The following PROP1 variants were observed in gnomAD, a reference collection of about 807,000 sequenced individuals.
PROP1 encodes the protein PROP paired-like homeobox 1, also known as homeobox protein prophet of Pit-1.
Under a neutral mutation model 22.3 loss-of-function variants are expected in PROP1, and 12 were observed. That is an observed-to-expected ratio of 0.54 (90% CI 0.34 to 0.87). The LOEUF (loss-of-function observed/expected upper bound fraction) is 0.87. Ranked by LOEUF, PROP1 falls within the 40% of genes least tolerant of loss-of-function variation. The pLI is 0.01. For synonymous variants in PROP1, 112 were observed against 116.7 expected, an observed-to-expected ratio of 0.96 and a Z score of 0.26; for missense variants, 278 against 295.1, an observed-to-expected ratio of 0.94 and a Z score of 0.43.
intron 1 of PROP1, among the ~76,000 whole-genome samples, chr5:177,995,145 G>A (rs1309454844): frequency 6.6e-6 from 1 of 151,986 alleles, no homozygotes; most frequent in Non-Finnish European, 1.5e-5. Flanking sequence ...CCTCACCTGG[G>A]AAGATGGGCA....
chr5:177,994,741 T>C (rs901453957), intron 1 of PROP1, among the ~76,000 whole-genome samples: 4 of 152,070 alleles, frequency 2.6e-5, no homozygotes, highest in African/African-American at 9.7e-5. Context: ...CACCCAGCCC[T>C]GCCCCACCGG....
At position 177,996,239 on chromosome 5, in the gene PROP1, A is replaced by T; in HGVS notation, c.-306T>A. ...CTGCCTGGCCCTTCTCCCCACCGGG[A>T]TGCTGCTCCCTTCTGTCAGCTGCCT... On this transcript the variant is annotated 5_prime_UTR_variant, in exon 1 of 3. Coordinates refer to ENST00000308304, the MANE Select transcript of PROP1 (RefSeq NM_006261.5). The T allele has an allele frequency of 2.3e-6, 1 of 439,384 alleles. No homozygotes were observed. The highest frequency in any genetic ancestry group is 4.2e-6 in the Non-Finnish European group (1 of 237,018). The allele number at this position is 439,384 out of a possible 1,614,324, so 27.2% of individuals were successfully genotyped here.
At chr5:177,993,457 G>A (rs1772701304) in intron 2 of PROP1, among the ~76,000 whole-genome samples, 1 of 152,222 alleles carries the variant, frequency 6.6e-6, no homozygotes. Flanking sequence ...CCTGGGGTTA[G>A]GATTGAGGGA....
Position 177,992,854 on chromosome 5 carries a change from G to C in PROP1, c.536C>G (p.Pro179Arg), listed in dbSNP as rs747101861. Residue 179 changes from proline to arginine, a missense_variant, in exon 3 of 3, where the codon CCC becomes CGC. Coordinates refer to ENST00000308304, the MANE Select transcript of PROP1 (RefSeq NM_006261.5). ...CAAAGCAAAGGCGCCTCCTGTGGAG[G>C]GCTGGGAAGGGAGGGCATGGCTGTA... ...HPYSHALPSQPSTGGAFALSH... is the reference protein window; with the variant it reads ...HPYSHALPSQRSTGGAFALSH... 6.2e-6 allele frequency: 10 copies of C among 1,612,966 alleles called. No homozygotes were observed. The highest frequency in any genetic ancestry group is 8.5e-6 in the Non-Finnish European group (10 of 1,179,344).
chr5:177,996,010 G>T lies in PROP1; in HGVS notation c.-77C>A. ...GCTTCCGCAGCTCCTCTCCACACCTGTTCCCTCCCCTTCTCCCTCTGTGTA... is the reference window on the plus strand; with the variant it reads ...GCTTCCGCAGCTCCTCTCCACACCTTTTCCCTCCCCTTCTCCCTCTGTGTA... On this transcript the variant is annotated 5_prime_UTR_variant, in exon 1 of 3. Transcript: ENST00000308304. 1.6e-6 allele frequency: 2 copies of T among 1,277,866 alleles called. No homozygotes were observed. Among genetic ancestry groups the T allele is most frequent in the Non-Finnish European group, 1.1e-6 (1 of 887,824 alleles). The allele number at this position is 1,277,866 out of a possible 1,614,324, so 79.2% of individuals were successfully genotyped here. A position where few individuals can be genotyped will look rare whatever the true frequency, so the allele number is the denominator to read the frequency against.
In PROP1 at chr5:177,992,652, C is replaced by T; in HGVS notation, c.*57G>A. 3 of 1,245,436 alleles carry T rather than the reference C, an allele frequency of 2.4e-6. No homozygotes were observed. Among genetic ancestry groups the T allele is most frequent in the Admixed American group, 2.1e-5 (1 of 47,116 alleles). The allele number at this position is 1,245,436 out of a possible 1,614,324, so 77.1% of individuals were successfully genotyped here. ...GATGGAAAGGAAGCCACCCCATTTT[C>T]TTGTCTTTTCACGAGGGCCGCAGGC... On this transcript the variant is annotated 3_prime_UTR_variant, in exon 3 of 3. Transcript: ENST00000308304.
At chr5:177,995,661 C>G (rs1444806211) in intron 1 of PROP1, among the ~76,000 whole-genome samples, 164 bp downstream of exon 1, 1 of 152,224 alleles carries the variant, frequency 6.6e-6, no homozygotes, top group Non-Finnish European at 1.5e-5. Flanking sequence ...TCTGTAAAGC[C>G]AAGGGGTGCT....
At chr5:177,994,775 G>T (rs1206583500) in intron 1 of PROP1, among the ~76,000 whole-genome samples, 1 of 151,804 alleles carries the variant, frequency 6.6e-6, no homozygotes, top group Non-Finnish European at 1.5e-5. Flanking sequence ...GCCATAGCCT[G>T]GTTCCTGCAC....
rs1184597403 is a variant in PROP1, at chr5:177,992,639, G to A, written c.*70C>T. On this transcript the variant is annotated 3_prime_UTR_variant, in exon 3 of 3. Transcript: ENST00000308304. Reference sequence around the variant, plus strand: ...TGCTTCACCCATAGATGGAAAGGAAGCCACCCCATTTTCTTGTCTTTTCAC... The same window carrying A: ...TGCTTCACCCATAGATGGAAAGGAAACCACCCCATTTTCTTGTCTTTTCAC... 9.2e-7 allele frequency: 1 copy of A among 1,086,858 alleles called. No homozygotes were observed. The highest frequency in any genetic ancestry group is 2.3e-5 in the Admixed American group (1 of 44,384). 67.3% of individuals were successfully genotyped at this position (1,086,858 alleles called of 1,614,324 possible).
Position 177,992,900 on chromosome 5 carries a change from C to CTGG in PROP1, c.487_489dup (p.Pro163dup), listed in dbSNP as rs751165969. The CTGG allele has an allele frequency of 1.4e-5, 23 of 1,613,686 alleles. No individual in the cohort carries two copies. The highest frequency in any genetic ancestry group is 6.7e-5 in the East Asian group (3 of 44,862). Reference sequence around the variant, plus strand: ...CTGTAGGGGTGAGGGAAGCAGGTCACTGGTGGTGGTGGTGCTGCGTAAGAA... The same window carrying CTGG: ...CTGTAGGGGTGAGGGAAGCAGGTCACTGGTGGTGGTGGTGGTGCTGCGTAAGAA... On this transcript the variant is annotated inframe_insertion, in exon 3 of 3. Coordinates refer to ENST00000308304, the MANE Select transcript of PROP1 (RefSeq NM_006261.5).
At chr5:177,994,767 C>G (rs1050037192) in intron 1 of PROP1, among the ~76,000 whole-genome samples, 2 of 152,008 alleles carry the variant, frequency 1.3e-5, no homozygotes, top group Non-Finnish European at 2.9e-5. Flanking sequence ...TTTTAGCTGC[C>G]ATAGCCTGGT....
chr5:177,995,156 C>T (rs1324889278), intron 1 of PROP1, among the ~76,000 whole-genome samples: 8 of 152,158 alleles, frequency 5.3e-5, no homozygotes, highest in Middle Eastern at 3.4e-3. Context: ...AAGATGGGCA[C>T]CCCCCTCTTC....
chr5:177,994,132 T>A lies in PROP1; in HGVS notation c.316A>T (p.Thr106Ser), dbSNP rs1254354861. Reference sequence around the variant, plus strand: ...TGGATTCGGGCCTCACTGAGGCCAGTGTCCCGGGCAAGACTCTCTCGGGCC... The same window carrying A: ...TGGATTCGGGCCTCACTGAGGCCAGAGTCCCGGGCAAGACTCTCTCGGGCC... ...IWARESLARD[T>S]GLSEARIQVW... Residue 106 changes from threonine (T) to serine (S), a missense_variant, in exon 2 of 3, where the codon ACT (threonine) becomes TCT (serine). Physicochemically the swap from Thr to Ser is moderately conservative, Grantham distance 58 (BLOSUM62 1). Coordinates refer to ENST00000308304, the MANE Select transcript of PROP1 (RefSeq NM_006261.5). 2.5e-6 allele frequency: 4 copies of A among 1,614,152 alleles called. No individual in the cohort carries two copies. Among genetic ancestry groups the A allele is most frequent in the Non-Finnish European group, 1.7e-6 (2 of 1,180,006 alleles).
Position 177,993,054 on chromosome 5 carries a change from A to AG in PROP1, c.343-8dup. On this transcript the variant is annotated splice_region_variant and splice_polypyrimidine_tract_variant and intron_variant, in intron 2 of 2. Coordinates refer to ENST00000308304, the MANE Select transcript of PROP1 (RefSeq NM_006261.5). ...TGCGGTTCTGGAACCAGACCTGAGA[A>AG]GGGGTAGGAACCACATCAGAGCCCA... The AG allele has an allele frequency of 6.2e-7, 1 of 1,610,982 alleles. No homozygotes were observed. Among genetic ancestry groups the AG allele is most frequent in the Non-Finnish European group, 8.5e-7 (1 of 1,178,590 alleles).
chr5:177,995,642 G>T (rs1457197510), intron 1 of PROP1, among the ~76,000 whole-genome samples, 183 bp downstream of exon 1: 1 of 152,178 alleles, frequency 6.6e-6, no homozygotes, highest in Non-Finnish European at 1.5e-5. Context: ...CAAGGGCTCA[G>T]TTCCCCAGTC....
chr5:177,992,881 G>T lies in PROP1; in HGVS notation c.509C>A (p.Pro170His). 6.2e-7 allele frequency: 1 copy of T among 1,613,826 alleles called. No homozygotes were observed. The highest frequency in any genetic ancestry group is 1.1e-5 in the South Asian group (1 of 91,038). ...CTGGGAAGGGAGGGCATGGCTGTAG[G>T]GGTGAGGGAAGCAGGTCACTGGTGG... ...PPPPVTCFPHPYSHALPSQPS... is the reference protein window; with the variant it reads ...PPPPVTCFPHHYSHALPSQPS... Residue 170 changes from proline (P) to histidine (H), a missense_variant, in exon 3 of 3, where the codon CCC becomes CAC. Coordinates refer to ENST00000308304, the MANE Select transcript of PROP1 (RefSeq NM_006261.5).
intron 1 of PROP1, among the ~76,000 whole-genome samples, chr5:177,994,841 T>G (rs1755723476): frequency 6.6e-6 from 1 of 151,988 alleles, no homozygotes; most frequent in Non-Finnish European, 1.5e-5. Context: ...GGCTGTGCTG[T>G]CTACACAGGG....
chr5:177,994,412 C>T (rs942289106), intron 1 of PROP1, 74 bp from the exon 2 acceptor site: 8 of 1,296,604 alleles, frequency 6.2e-6, no homozygotes, highest in South Asian at 1.4e-5. Flanking sequence ...GTGCCTGTCC[C>T]GGGATTGCGC....
At chr5:177,993,151 A>G (rs1772696765) in intron 2 of PROP1, 104 bp from the exon 3 acceptor site, 1 of 1,003,536 alleles carries the variant, frequency 1.0e-6, no homozygotes, top group Admixed American at 2.0e-5. Context: ...CTTCTCCAGC[A>G]TGGCCAGAGG....
Sources: allele counts gnomAD v4.1 joint callset (sites outside exome capture counted in the v4.1 genomes callset), GRCh38; gene constraint gnomAD v4.1.1; transcripts MANE v1.5; gene names NCBI Gene and HGNC (gene_info 2026-07-23, HGNC 2026-07-21).